The following CCDC3 variants were observed in gnomAD, a reference collection of about 807,000 sequenced individuals.
CCDC3 encodes the protein coiled-coil domain-containing protein 3.
In CCDC3, 24 loss-of-function variants were observed where a neutral mutation model predicts 21.4. That is an observed-to-expected ratio of 1.12 (90% CI 0.81 to 1.58). CCDC3 has a LOEUF of 1.58. CCDC3 is among the 40% of genes most tolerant of loss of function. The pLI is 0.00. For missense variants in CCDC3, 425 were observed against 360.9 expected (o/e 1.18, Z -1.44); for synonymous variants, 186 against 166.0 (o/e 1.12, Z -0.93).
intron 5 of CCDC3, among the ~76,000 whole-genome samples, chr10:13,041,416 A>G (rs1033815704): frequency 6.9e-6 from 1 of 143,948 alleles, no homozygotes; most frequent in African/African-American, 2.7e-5. Context: ...TTGGCTCCAC[A>G]CCGTGATATC....
At position 12,922,893 on chromosome 10, in the gene CCDC3, C is replaced by A. The variant is rs546640704; in HGVS notation, c.550-24214G>T. Among the ~76,000 whole-genome samples the A allele has an allele frequency of 5.3e-5, 8 of 152,300 alleles. No homozygotes were observed. The East Asian group carries it at 1.5e-3, about 29-fold the overall frequency. ...TATAGCCTAGAAGAGGAGCCCGGAG[C>A]CTTCCGGACTCAGGAAAACATACTC... On this transcript the variant is annotated intron_variant, in intron 2 of 2. Transcript: ENST00000378825.
chr10:12,907,211 G>A (rs978586011), intron 2 of CCDC3, among the ~76,000 whole-genome samples: 2 of 152,152 alleles, frequency 1.3e-5, no homozygotes, highest in African/African-American at 4.8e-5. Flanking sequence ...CTTAATAAAT[G>A]GATGAAGGGA....
At position 13,001,528 on chromosome 10, in the gene CCDC3, G is replaced by T. The variant is rs974083043; in HGVS notation, c.43C>A (p.Pro15Thr). Residue 15 changes from proline (P) to threonine (T), a missense_variant, in exon 1 of 3, where the codon CCC (proline) becomes ACC (threonine). By Grantham distance (38) the Pro-to-Thr change is conservative (BLOSUM62 -1). Coordinates refer to ENST00000378825, the MANE Select transcript of CCDC3 (RefSeq NM_031455.4). ...TGGCAGGCGCGCGCGGGCGCTGGGG[G>T]ACCCGCCAGGCAGAGCGCGGCGAGC... ...LLLAALCLAG[P>T]PAPARACQLP... 2.1e-5 allele frequency: 28 copies of T among 1,312,396 alleles called. No homozygotes were observed. In the African/African-American group the frequency reaches 3.4e-4, roughly 16 times the overall value. The allele number at this position is 1,312,396 out of a possible 1,614,324, so 81.3% of individuals were successfully genotyped here. A position where few individuals can be genotyped will look rare whatever the true frequency, so the allele number is the denominator to read the frequency against.
intron 2 of CCDC3, among the ~76,000 whole-genome samples, chr10:12,903,546 G>C (rs1327927432): frequency 6.6e-6 from 1 of 152,224 alleles, no homozygotes; most frequent in Non-Finnish European, 1.5e-5. Context: ...CTTTGAAGAA[G>C]AACCAAAGAG....
At chr10:12,925,651 A>G (rs568046119) in intron 2 of CCDC3, among the ~76,000 whole-genome samples, 1 of 152,336 alleles carries the variant, frequency 6.6e-6, no homozygotes, top group African/African-American at 2.4e-5. Flanking sequence ...GGAGTCACAC[A>G]GAATAAACTC....
rs535562417 is a variant in CCDC3, at chr10:12,986,512, C to T, written c.549+11826G>A. Among the ~76,000 whole-genome samples, 15 of 152,268 alleles carry T rather than the reference C, an allele frequency of 9.9e-5. 1 individual carries two copies. The South Asian group carries it at 1.5e-3, about 15-fold the overall frequency. ...CCTGTAGGCCGGGCACAGTGGTTCA[C>T]GCCTGTAATCCCAGCACTTTGGGAG... is the stretch of plus-strand genomic sequence containing the variant. On this transcript the variant is annotated intron_variant, in intron 2 of 2. Coordinates refer to ENST00000378825, the MANE Select transcript of CCDC3 (RefSeq NM_031455.4).
chr10:13,000,174 C>T (rs949547886), intron 1 of CCDC3, among the ~76,000 whole-genome samples: 6 of 152,208 alleles, frequency 3.9e-5, no homozygotes, highest in African/African-American at 1.4e-4. Flanking sequence ...GGAAAACGAA[C>T]TACAACCGAT....
intron 2 of CCDC3, among the ~76,000 whole-genome samples, chr10:12,951,216 A>T (rs185017817): frequency 1.9e-3 from 293 of 152,068 alleles, no homozygotes; most frequent in Middle Eastern, 3.4e-3. Context: ...TACAAAAATA[A>T]TTTTTTTTAA....
At chr10:12,999,143 G>C (rs1447231479) in intron 1 of CCDC3, among the ~76,000 whole-genome samples, 1 of 152,192 alleles carries the variant, frequency 6.6e-6, no homozygotes, top group Non-Finnish European at 1.5e-5. Context: ...AGAAGGCTGA[G>C]GCAGGAGAAT....
intron 4 of CCDC3, among the ~76,000 whole-genome samples, chr10:13,068,774 C>T (rs1283349921): frequency 6.6e-6 from 1 of 152,074 alleles, no homozygotes; most frequent in Non-Finnish European, 1.5e-5. Context: ...TGGGAGTTAC[C>T]ATTATAACAT....
At chr10:12,931,102 C>T (rs905200938) in intron 2 of CCDC3, among the ~76,000 whole-genome samples, 1 of 149,744 alleles carries the variant, frequency 6.7e-6, no homozygotes, top group Non-Finnish European at 1.5e-5. Context: ...TCCCAGCTAC[C>T]TGGGAGGCTA....
rs1159798927 is a variant in CCDC3 at position 12,998,620 on chromosome 10, G to A, written c.375-108C>T. 5 of 922,508 alleles carry A rather than the reference G, an allele frequency of 5.4e-6. No individual in the cohort carries two copies. The East Asian group carries it at 7.4e-5, about 14-fold the overall frequency. 57.1% of individuals were successfully genotyped at this position (922,508 alleles called of 1,614,324 possible). On this transcript the variant is annotated intron_variant, in intron 1 of 2. Coordinates refer to ENST00000378825, the MANE Select transcript of CCDC3 (RefSeq NM_031455.4). ...ACGGGCTTGCCAATTTCACATCAAT[G>A]TCTGGCATGGCTCTCATTAGAGGAG...
intron 2 of CCDC3, among the ~76,000 whole-genome samples, chr10:12,913,759 A>C (rs1195970042): frequency 6.6e-6 from 1 of 152,198 alleles, no homozygotes; most frequent in African/African-American, 2.4e-5. Context: ...CATTCCTTCT[A>C]TACCTAATTT....
chr10:12,913,584 C>T (rs1050304367), intron 2 of CCDC3, among the ~76,000 whole-genome samples: 2 of 152,202 alleles, frequency 1.3e-5, no homozygotes, highest in African/African-American at 4.8e-5. Context: ...CTTTCTCTTG[C>T]CTAGCTGCTC....
At chr10:12,945,401 A>C (rs1157558597) in intron 2 of CCDC3, among the ~76,000 whole-genome samples, 1 of 152,070 alleles carries the variant, frequency 6.6e-6, no homozygotes, top group Non-Finnish European at 1.5e-5. Context: ...TTCCACAGTG[A>C]GAAAAAAAGT....
intron 2 of CCDC3, among the ~76,000 whole-genome samples, chr10:12,974,158 A>C (rs1835381369): frequency 6.6e-6 from 1 of 152,264 alleles, no homozygotes; most frequent in African/African-American, 2.4e-5. Context: ...GCAATAACCT[A>C]GGCAACATAA....
intron 5 of CCDC3, among the ~76,000 whole-genome samples, chr10:13,041,627 T>C (rs2668913): frequency 0.22 from 32,699 of 146,692 alleles, 3,986 homozygotes; most frequent in Middle Eastern, 0.34. Flanking sequence ...CCAGTTCAAG[T>C]GATTCTCCTG....
At chr10:13,082,383 T>G (rs938450220) in intron 3 of CCDC3, among the ~76,000 whole-genome samples, 2 of 152,236 alleles carry the variant, frequency 1.3e-5, no homozygotes, top group Non-Finnish European at 1.5e-5. Context: ...TTTAGTACTT[T>G]CACTAATTCT....
intron 1 of CCDC3, 136 bp downstream of exon 1, chr10:13,001,061 G>C (rs1357484373): frequency 8.9e-7 from 1 of 1,119,594 alleles, no homozygotes; most frequent in Admixed American, 2.8e-5. Flanking sequence ...AGAAGGCAAG[G>C]GGTAGGCGCC....
Sources: gnomAD v4.1 joint callset for allele counts (sites outside exome capture counted in the v4.1 genomes callset) on GRCh38, gnomAD v4.1.1 for gene constraint, MANE v1.5 for transcripts, NCBI Gene and HGNC (gene_info 2026-07-23, HGNC 2026-07-21) for gene names.